BANK1: variants seen among roughly 807,000 people sequenced by gnomAD.
The protein encoded by BANK1 is B-cell scaffold protein with ankyrin repeats.
A neutral mutation model predicts 94.5 loss-of-function variants in BANK1; 95 were observed. That is an observed-to-expected ratio of 1.00 (90% confidence interval 0.85 to 1.19). The LOEUF (loss-of-function observed/expected upper bound fraction) is 1.19. BANK1 is among the 50% of genes most tolerant of loss of function. BANK1 has a pLI of 0.00. For missense variants in BANK1, 987 were observed against 932.2 expected (o/e 1.06, Z -0.77); for synonymous variants, 334 against 308.4 (o/e 1.08, Z -0.87).
chr4:102,071,370 T>C, intron 14 of BANK1, 66 bp downstream of exon 14: 1 of 1,468,618 alleles, frequency 6.8e-7, no homozygotes. Flanking sequence ...TCAATTTCAA[T>C]ATTAATGTAA....
chr4:101,928,525 A>G (rs748918263), intron 7 of BANK1, among the ~76,000 whole-genome samples: 6 of 151,696 alleles, frequency 4.0e-5, no homozygotes, highest in Non-Finnish European at 7.4e-5. Context: ...CCTAAGCAAG[A>G]ACACTTCTCC....
intron 5 of BANK1, among the ~76,000 whole-genome samples, chr4:101,894,830 T>A (rs1204262497): frequency 6.6e-6 from 1 of 151,976 alleles, no homozygotes; most frequent in African/African-American, 2.4e-5. Flanking sequence ...AAGATAAATA[T>A]TTTCCCTCAC....
chr4:102,011,581 G>C (rs1165799461), intron 7 of BANK1, among the ~76,000 whole-genome samples: 1 of 152,080 alleles, frequency 6.6e-6, no homozygotes, highest in East Asian at 1.9e-4. Flanking sequence ...TGGATTTCTG[G>C]GATGAAGAAA....
intron 7 of BANK1, among the ~76,000 whole-genome samples, chr4:101,964,331 C>T (rs908001926): frequency 1.3e-5 from 2 of 151,778 alleles, no homozygotes; most frequent in Admixed American, 6.6e-5. Context: ...TTCTTCCTGA[C>T]GAATAGTACT....
At chr4:101,868,176 A>G (rs954458830) in intron 4 of BANK1, among the ~76,000 whole-genome samples, 10 of 151,988 alleles carry the variant, frequency 6.6e-5, no homozygotes, top group African/African-American at 2.2e-4. Context: ...TGCAAATGGC[A>G]TTGAAAGTAA....
chr4:101,892,617 A>C (rs1200026880), intron 5 of BANK1, among the ~76,000 whole-genome samples: 1 of 151,792 alleles, frequency 6.6e-6, no homozygotes, highest in Non-Finnish European at 1.5e-5. Context: ...ATTTTGTTCT[A>C]TTCTTAATTT....
intron 11 of BANK1, among the ~76,000 whole-genome samples, chr4:102,050,496 A>T (rs1474731017): frequency 6.6e-6 from 1 of 152,218 alleles, no homozygotes; most frequent in Non-Finnish European, 1.5e-5. Context: ...CAAAATCAAC[A>T]TGTGAAAAAA....
intron 1 of BANK1, among the ~76,000 whole-genome samples, chr4:101,817,596 G>A (rs894572549): frequency 6.6e-6 from 1 of 152,096 alleles, no homozygotes; most frequent in African/African-American, 2.4e-5. Flanking sequence ...ATTAATGCCT[G>A]GGTGATTGGA....
intron 8 of BANK1, among the ~76,000 whole-genome samples, chr4:102,023,192 G>A (rs929258915): frequency 6.6e-6 from 1 of 152,120 alleles, no homozygotes; most frequent in African/African-American, 2.4e-5. Flanking sequence ...TTTTTCAAAT[G>A]ATGGGGACCT....
chr4:101,899,274 C>A (rs1722193640), intron 6 of BANK1, among the ~76,000 whole-genome samples: 1 of 151,914 alleles, frequency 6.6e-6, no homozygotes, highest in Non-Finnish European at 1.5e-5. Context: ...ATTAAGTAAA[C>A]ACACTAAATT....
chr4:101,960,927 T>A (rs1176252901), intron 7 of BANK1, among the ~76,000 whole-genome samples: 1 of 152,166 alleles, frequency 6.6e-6, no homozygotes, highest in Non-Finnish European at 1.5e-5. Context: ...TGGAAGGAAT[T>A]AACTAGATGA....
intron 10 of BANK1, among the ~76,000 whole-genome samples, chr4:102,032,704 G>T (rs2148951752): frequency 6.6e-6 from 1 of 152,092 alleles, no homozygotes; most frequent in East Asian, 1.9e-4. Context: ...CTAACATGAT[G>T]AAACCCCGTC....
rs1235253825 is a variant in BANK1, at chr4:101,918,061, A to G, written c.1078A>G (p.Ile360Val). ...AAAATTTGGCTTAAAGAACCTGGCT[A>G]TTCATTTGCTTCAATGTTCAGGAGC... ...AAKFGLKNLA[I>V]HLLQCSGATW... is the part of the protein sequence containing the mutation. Residue 360 changes from isoleucine to valine, a missense_variant, in exon 7 of 17, where the codon ATT becomes GTT. Coordinates refer to ENST00000322953, the MANE Select transcript of BANK1 (RefSeq NM_017935.5). The G allele has an allele frequency of 1.2e-6, 2 of 1,611,838 alleles. No individual in the cohort carries two copies. The highest frequency in any genetic ancestry group is 1.7e-6 in the Non-Finnish European group (2 of 1,178,522).
intron 7 of BANK1, among the ~76,000 whole-genome samples, chr4:101,959,266 A>G (rs1483354989): frequency 6.6e-6 from 1 of 152,002 alleles, no homozygotes; most frequent in African/African-American, 2.4e-5. Flanking sequence ...CGGCCTCCCA[A>G]GTAGCTGGGA....
At chr4:101,830,243 T>C in intron 2 of BANK1, 37 bp downstream of exon 2, 2 of 1,352,106 alleles carry the variant, frequency 1.5e-6, no homozygotes, top group South Asian at 1.7e-5. Flanking sequence ...TATTTTTATT[T>C]GTTTTTTTTT....
chr4:102,046,024 G>T (rs1489319197), intron 11 of BANK1, among the ~76,000 whole-genome samples: 38 of 148,044 alleles, frequency 2.6e-4, no homozygotes, highest in African/African-American at 9.6e-4. Flanking sequence ...GAGGCATCAC[G>T]CTACCTGACT....
At chr4:101,846,084 C>A (rs763207246) in intron 2 of BANK1, among the ~76,000 whole-genome samples, 1 of 150,690 alleles carries the variant, frequency 6.6e-6, no homozygotes, top group African/African-American at 2.4e-5. Flanking sequence ...TCCTATTGTT[C>A]AATTCCCACC....
chr4:102,014,062 G>A lies in BANK1; in HGVS notation c.1207-7452G>A, dbSNP rs567291267. ...GTTCATGTAATTAATAAGGCAAAGA[G>A]TAAGAATTGAATCCAAGTCTGACAA... On this transcript the variant is annotated intron_variant, in intron 7 of 16. Coordinates refer to ENST00000322953, the MANE Select transcript of BANK1 (RefSeq NM_017935.5). 1.5e-4 allele frequency among the ~76,000 whole-genome samples: 23 copies of A among 152,208 alleles called. No homozygotes were observed. In the South Asian group the frequency reaches 4.6e-3, roughly 30 times the overall value.
In BANK1 at chr4:101,846,392, TTGAC is replaced by T. The variant is rs1475656028; in HGVS notation, c.470-8640_470-8637del. 2.6e-5 allele frequency among the ~76,000 whole-genome samples: 4 copies of T among 152,290 alleles called. 1 individual carries two copies. The South Asian group carries it at 8.3e-4, about 32-fold the overall frequency. On this transcript the variant is annotated intron_variant, in intron 2 of 16. Transcript: ENST00000322953. Reference sequence around the variant, plus strand: ...TCCATCAGATAATTCCTGTGATAAATTGACTGCTGTATGCATGGATAAAACTGTG... The same window carrying T: ...TCCATCAGATAATTCCTGTGATAAATTGCTGTATGCATGGATAAAACTGTG...
Sources: gnomAD v4.1 joint callset for allele counts (sites outside exome capture counted in the v4.1 genomes callset) on GRCh38, gnomAD v4.1.1 for gene constraint, MANE v1.5 for transcripts, NCBI Gene and HGNC (gene_info 2026-07-23, HGNC 2026-07-21) for gene names.